The following PTPRD variants were observed in gnomAD, a reference collection of about 807,000 sequenced individuals.
PTPRD encodes the protein receptor-type tyrosine-protein phosphatase delta.
In PTPRD, 34 loss-of-function variants were observed where a neutral mutation model predicts 214.5. That is an observed-to-expected ratio of 0.16 (90% CI 0.12 to 0.21). PTPRD has a LOEUF of 0.21. Among genes scored for constraint, PTPRD ranks in the 10% least tolerant of loss-of-function variants. PTPRD has a pLI of 1.00. For synonymous variants in PTPRD, 1,128 were observed against 845.7 expected, an observed-to-expected ratio of 1.33 and a Z score of -5.79; for missense variants, 2,545 against 2,398.7, an observed-to-expected ratio of 1.06 and a Z score of -1.27.
At chr9:9,547,796 T>TCACACA (rs35772205) in intron 8 of PTPRD, among the ~76,000 whole-genome samples, 5,055 of 142,420 alleles carry the variant, frequency 0.035, 123 homozygotes, top group African/African-American at 0.063. Context: ...AAACACAAAT[T>TCACACA]CACACACACA....
At chr9:9,811,043 G>A in intron 5 of PTPRD, among the ~76,000 whole-genome samples, 1 of 151,990 alleles carries the variant, frequency 6.6e-6, no homozygotes, top group Non-Finnish European at 1.5e-5. Context: ...TTTGAGACCA[G>A]CTTGAACAAC....
chr9:9,341,617 T>C (rs1023172173), intron 9 of PTPRD, among the ~76,000 whole-genome samples: 1 of 152,084 alleles, frequency 6.6e-6, no homozygotes, highest in Non-Finnish European at 1.5e-5. Context: ...TGAGTTTAGA[T>C]CTTGGATAAT....
intron 14 of PTPRD, among the ~76,000 whole-genome samples, chr9:8,611,302 G>C (rs887758578): frequency 6.6e-6 from 1 of 152,146 alleles, no homozygotes; most frequent in Non-Finnish European, 1.5e-5. Context: ...ATATTGGTAG[G>C]ACTTGCCAGT....
intron 10 of PTPRD, among the ~76,000 whole-genome samples, chr9:9,088,689 T>G (rs1346859080): frequency 6.7e-6 from 1 of 150,094 alleles, no homozygotes; most frequent in Non-Finnish European, 1.5e-5. Flanking sequence ...ATATTAGCCC[T>G]GGATATTCAA....
At chr9:8,915,093 G>C (rs929594827) in intron 11 of PTPRD, among the ~76,000 whole-genome samples, 1 of 152,114 alleles carries the variant, frequency 6.6e-6, no homozygotes, top group East Asian at 1.9e-4. Context: ...TATGAAAGCA[G>C]TTTGAAGACA....
At chr9:9,445,407 A>C (rs1235608641) in intron 8 of PTPRD, among the ~76,000 whole-genome samples, 1 of 152,154 alleles carries the variant, frequency 6.6e-6, no homozygotes, top group Non-Finnish European at 1.5e-5. Flanking sequence ...ATCCTTAGAG[A>C]ACAATTTTCA....
At chr9:9,003,275 T>G (rs1021824682) in intron 11 of PTPRD, among the ~76,000 whole-genome samples, 17 of 151,988 alleles carry the variant, frequency 1.1e-4, no homozygotes, top group African/African-American at 4.1e-4. Context: ...CCTCTATTGT[T>G]CTATGAGCAA....
intron 11 of PTPRD, among the ~76,000 whole-genome samples, chr9:8,897,138 G>C (rs913082419): frequency 2.6e-5 from 4 of 152,040 alleles, no homozygotes; most frequent in Non-Finnish European, 4.4e-5. Context: ...ATTTTGTTGA[G>C]GTAGAGACAG....
At chr9:9,954,106 G>T (rs2093686768) in intron 4 of PTPRD, among the ~76,000 whole-genome samples, 1 of 151,630 alleles carries the variant, frequency 6.6e-6, no homozygotes, top group Admixed American at 6.6e-5. Flanking sequence ...GACCAGTGGG[G>T]CCAACATGAT....
At chr9:9,030,130 T>C (rs528029022) in intron 10 of PTPRD, among the ~76,000 whole-genome samples, 1 of 151,604 alleles carries the variant, frequency 6.6e-6, no homozygotes, top group Middle Eastern at 3.2e-3. Flanking sequence ...TAACAGGAAA[T>C]CTATGAAAGG....
At chr9:9,111,769 T>C (rs2099806404) in intron 10 of PTPRD, among the ~76,000 whole-genome samples, 1 of 152,128 alleles carries the variant, frequency 6.6e-6, no homozygotes, top group Non-Finnish European at 1.5e-5. Context: ...GTGGAGACGC[T>C]TGAGGAAAAC....
chr9:8,902,051 C>A (rs1466116483), intron 11 of PTPRD, among the ~76,000 whole-genome samples: 1 of 152,200 alleles, frequency 6.6e-6, no homozygotes, highest in Non-Finnish European at 1.5e-5. Flanking sequence ...CATACACACA[C>A]AGATATCCCA....
At chr9:9,114,446 G>A (rs2099810254) in intron 10 of PTPRD, among the ~76,000 whole-genome samples, 1 of 152,228 alleles carries the variant, frequency 6.6e-6, no homozygotes, top group South Asian at 2.1e-4. Flanking sequence ...GGGATCATTT[G>A]GTCCTGTAGG....
intron 5 of PTPRD, among the ~76,000 whole-genome samples, chr9:9,863,176 C>T (rs1041162902): frequency 1.3e-5 from 2 of 152,046 alleles, no homozygotes; most frequent in African/African-American, 4.8e-5. Context: ...CAACAGTCCA[C>T]AGAAAAGATG....
At chr9:10,116,026 T>C (rs1435241870) in intron 3 of PTPRD, among the ~76,000 whole-genome samples, 4 of 152,124 alleles carry the variant, frequency 2.6e-5, no homozygotes, top group Non-Finnish European at 2.9e-5. Flanking sequence ...ATTCATGTTA[T>C]GGTTTATTAG....
At chr9:8,460,783 T>G (rs1489702848) in intron 32 of PTPRD, among the ~76,000 whole-genome samples, 1 of 152,068 alleles carries the variant, frequency 6.6e-6, no homozygotes, top group East Asian at 1.9e-4. Context: ...TAGAGTGAAC[T>G]ATTTTATAAT....
chr9:8,331,836 CA>C, intron 43 of PTPRD, 100 bp from the exon 44 acceptor site: 1 of 1,400,286 alleles, frequency 7.1e-7, no homozygotes, highest in Non-Finnish European at 9.5e-7. Flanking sequence ...TTCCCGAAAA[CA>C]AAAAGGGTAG....
intron 11 of PTPRD, among the ~76,000 whole-genome samples, chr9:8,763,251 C>T (rs1280057157): frequency 1.3e-5 from 2 of 152,124 alleles, no homozygotes; most frequent in East Asian, 3.9e-4. Flanking sequence ...GTGGCTCATG[C>T]CTGTAATCCC....
chr9:9,641,966 G>C (rs895621907), intron 7 of PTPRD, among the ~76,000 whole-genome samples: 1 of 151,786 alleles, frequency 6.6e-6, no homozygotes, highest in African/African-American at 2.4e-5. Flanking sequence ...ACATGCACAC[G>C]TATGTTTATT....
Sources: allele counts gnomAD v4.1 joint callset (sites outside exome capture counted in the v4.1 genomes callset), GRCh38; gene constraint gnomAD v4.1.1; transcripts MANE v1.5; gene names NCBI Gene and HGNC (gene_info 2026-07-23, HGNC 2026-07-21).